LRP5: variants seen among roughly 807,000 people sequenced by gnomAD.
LRP5 encodes the protein low-density lipoprotein receptor-related protein 5.
Under a neutral mutation model 154.1 loss-of-function variants are expected in LRP5, and 62 were observed. The observed-to-expected ratio is 0.40, with a 90% CI of 0.33 to 0.50. LRP5 has a LOEUF of 0.50. LRP5 is among the 20% of genes least tolerant of loss of function. The pLI is 0.55. For synonymous variants in LRP5, 966 were observed against 1,011.5 expected (o/e 0.96, Z 0.85); for missense variants, 1,915 against 2,336.7 (o/e 0.82, Z 3.72).
Position 68,410,145 on chromosome 11 carries a change from GTGTT to G in LRP5, c.2318+8_2318+11del. On this transcript the variant is annotated splice_donor_region_variant and intron_variant, in intron 10 of 22. Coordinates refer to ENST00000294304, the MANE Select transcript of LRP5 (RefSeq NM_002335.4). ...GGCCCTGGATCCCACCAAGGGGTAA[GTGTT>G]TGCCTGTCCCGTGCGTCCTTGTGTT... 6.2e-7 allele frequency: 1 copy of G among 1,612,072 alleles called. No homozygotes were observed. The highest frequency in any genetic ancestry group is 8.5e-7 in the Non-Finnish European group (1 of 1,178,738).
chr11:68,384,352 A>AT (rs1466614768), intron 5 of LRP5, among the ~76,000 whole-genome samples: 15 of 152,280 alleles, frequency 9.9e-5, no homozygotes, highest in Non-Finnish European at 1.8e-4. Context: ...GGGCCAGGGC[A>AT]TCAGGGAGGC....
At chr11:68,368,538 G>A (rs1565350806) in intron 5 of LRP5, among the ~76,000 whole-genome samples, 1 of 152,250 alleles carries the variant, frequency 6.6e-6, no homozygotes, top group Non-Finnish European at 1.5e-5. Flanking sequence ...TTGAGTAAGG[G>A]GCTGTCTGCA....
At chr11:68,443,579 A>AT (rs1211684131) in intron 21 of LRP5, among the ~76,000 whole-genome samples, 3 of 39,938 alleles carry the variant, frequency 7.5e-5, no homozygotes, top group Non-Finnish European at 1.4e-4. Flanking sequence ...ATATATATAT[A>AT]TATATATTTT....
At chr11:68,364,356 A>ATGTGTG (rs201962983) in intron 4 of LRP5, among the ~76,000 whole-genome samples, 132 of 127,492 alleles carry the variant, frequency 1.0e-3, no homozygotes, top group Middle Eastern at 3.8e-3. Flanking sequence ...ATATACATAT[A>ATGTGTG]TATGTGTGTG....
At chr11:68,409,382 T>C (rs536353791) in intron 9 of LRP5, among the ~76,000 whole-genome samples, 2 of 147,354 alleles carry the variant, frequency 1.4e-5, no homozygotes, top group East Asian at 3.9e-4. Context: ...TAAATACACA[T>C]TTATATTATT....
intron 1 of LRP5, among the ~76,000 whole-genome samples, chr11:68,344,849 CTTTTT>C (rs58477287): frequency 2.4e-4 from 16 of 65,576 alleles, no homozygotes; most frequent in African/African-American, 7.4e-4. Context: ...GAATCTCTCT[CTTTTT>C]TTTTTTTTTT....
chr11:68,420,068 C>T (rs924059060), intron 13 of LRP5, among the ~76,000 whole-genome samples: 2 of 152,120 alleles, frequency 1.3e-5, no homozygotes, highest in South Asian at 2.1e-4. Flanking sequence ...AGATTACAGG[C>T]GCGAGCCACC....
At chr11:68,339,477 A>G (rs1027219605) in intron 1 of LRP5, among the ~76,000 whole-genome samples, 22 of 152,010 alleles carry the variant, frequency 1.4e-4, no homozygotes, top group Middle Eastern at 3.4e-3. Flanking sequence ...CCTCCGGAGT[A>G]GCTGGTATTA....
intron 7 of LRP5, among the ~76,000 whole-genome samples, chr11:68,390,474 T>C (rs1209472474): frequency 6.6e-6 from 1 of 152,216 alleles, no homozygotes; most frequent in Non-Finnish European, 1.5e-5. Flanking sequence ...ACAGAAAACA[T>C]GGGTGTTGTT....
At position 68,365,551 on chromosome 11, in the gene LRP5, C is replaced by T; in HGVS notation, c.884-20C>T. On this transcript the variant is annotated intron_variant, in intron 4 of 22. Transcript: ENST00000294304. ...GGTCCTCTTCTGGAACCTTCTCTCA[C>T]TCTGTCCTGGTTTTCTCAGTCCACA... 2 of 1,613,728 alleles carry T rather than the reference C, an allele frequency of 1.2e-6. No individual in the cohort carries two copies. Among genetic ancestry groups the T allele is most frequent in the Non-Finnish European group, 1.7e-6 (2 of 1,179,888 alleles).
intron 18 of LRP5, among the ~76,000 whole-genome samples, chr11:68,435,952 C>T (rs1228602595): frequency 6.6e-6 from 1 of 152,188 alleles, no homozygotes; most frequent in Non-Finnish European, 1.5e-5. Flanking sequence ...TCTCAAACTC[C>T]TGGCCTCAAG....
chr11:68,395,287 T>G (rs2098648622), intron 7 of LRP5, among the ~76,000 whole-genome samples: 2 of 124,288 alleles, frequency 1.6e-5, no homozygotes, highest in African/African-American at 3.2e-5. Context: ...GGCCACAGAG[T>G]GAGACTCCAT....
intron 1 of LRP5, among the ~76,000 whole-genome samples, chr11:68,328,342 A>G (rs2098600822): frequency 6.6e-6 from 1 of 152,338 alleles, no homozygotes; most frequent in African/African-American, 2.4e-5. Context: ...TTTTTTCAAC[A>G]CTTAAAGAAA....
chr11:68,374,235 C>T (rs897102880), intron 5 of LRP5, among the ~76,000 whole-genome samples: 9 of 152,176 alleles, frequency 5.9e-5, no homozygotes, highest in Non-Finnish European at 1.5e-5. Flanking sequence ...TCTGTCCGGG[C>T]GGATTAGCTC....
intron 1 of LRP5, among the ~76,000 whole-genome samples, chr11:68,321,247 AGT>A (rs2153114322): frequency 6.6e-6 from 1 of 152,156 alleles, no homozygotes; most frequent in East Asian, 1.9e-4. Context: ...ACTGCCTGTG[AGT>A]GTCTTTGTGT....
chr11:68,444,696 G>A (rs2098680512), intron 21 of LRP5, among the ~76,000 whole-genome samples: 1 of 151,846 alleles, frequency 6.6e-6, no homozygotes, highest in Non-Finnish European at 1.5e-5. Context: ...TCTGCCCAGT[G>A]CAGATTTGGG....
At chr11:68,308,398 G>A (rs4988325), upstream of LRP5, among the ~76,000 whole-genome samples, 25,821 of 152,192 alleles carry the variant, frequency 0.17, 2,648 homozygotes, top group East Asian at 0.28. Flanking sequence ...AATGAGATTG[G>A]ACAGGTGCTG....
At chr11:68,307,593 G>A (rs1425236091), upstream of LRP5, among the ~76,000 whole-genome samples, 3 of 152,072 alleles carry the variant, frequency 2.0e-5, no homozygotes, top group East Asian at 3.9e-4. Flanking sequence ...GGGAGGTTGA[G>A]GCTGCAGTGA....
chr11:68,406,308 T>C (rs950662950), intron 8 of LRP5, among the ~76,000 whole-genome samples: 1 of 152,228 alleles, frequency 6.6e-6, no homozygotes, highest in Non-Finnish European at 1.5e-5. Flanking sequence ...TTGGAGCTTT[T>C]GGCACATCCT....
Sources: gnomAD v4.1 joint callset for allele counts (sites outside exome capture counted in the v4.1 genomes callset) on GRCh38, gnomAD v4.1.1 for gene constraint, MANE v1.5 for transcripts, NCBI Gene and HGNC (gene_info 2026-07-23, HGNC 2026-07-21) for gene names.